KIAA1549L: variants seen among roughly 807,000 people sequenced by gnomAD.
The protein encoded by KIAA1549L is UPF0606 protein KIAA1549L.
KIAA1549L carries 88 observed loss-of-function variants against 160.7 expected under a neutral mutation model. The ratio of observed to expected loss-of-function variants is 0.55; its 90% CI spans 0.46 to 0.65. The LOEUF is 0.65. Ranked by LOEUF, KIAA1549L falls within the 30% of genes least tolerant of loss-of-function variation. The pLI, the probability that KIAA1549L is intolerant of heterozygous loss-of-function variation, is 0.00. For missense variants in KIAA1549L, 2,258 were observed against 2,437.5 expected (o/e 0.93, Z 1.55); for synonymous variants, 950 against 976.7 (o/e 0.97, Z 0.51).
intron 1 of KIAA1549L, among the ~76,000 whole-genome samples, chr11:33,503,293 T>C (rs1037733928): frequency 2.6e-5 from 4 of 152,372 alleles, no homozygotes; most frequent in African/African-American, 9.6e-5. Context: ...CGAATCATTG[T>C]ATACTATTCT....
chr11:33,614,574 A>T lies in KIAA1549L; in HGVS notation c.5280-3959A>T, dbSNP rs1404979570. ...TATATATATATATATATATATATAT[A>T]TATATATATATTTTTTTTTTTTTTT... is the stretch of plus-strand genomic sequence containing the variant. On this transcript the variant is annotated intron_variant, in intron 15 of 20. Coordinates refer to ENST00000658780, the MANE Select transcript of KIAA1549L (RefSeq NM_012194.3). Among the ~76,000 whole-genome samples, 92 of 13,780 alleles carry T rather than the reference A, an allele frequency of 6.7e-3. 6 individuals carry two copies. Among genetic ancestry groups the T allele is most frequent in the African/African-American group, 0.011 (13 of 1,172 alleles). 9.0% of individuals were successfully genotyped at this position (13,780 alleles called of 152,430 possible). A position where few individuals can be genotyped will look rare whatever the true frequency, so the allele number is the denominator to read the frequency against.
chr11:33,488,571 C>T (rs1405064130), intron 1 of KIAA1549L, among the ~76,000 whole-genome samples: 3 of 152,252 alleles, frequency 2.0e-5, no homozygotes, highest in Non-Finnish European at 4.4e-5. Flanking sequence ...AGTAAAACAA[C>T]TATAGGAGGT....
chr11:33,476,361 G>A (rs982013926), intron 1 of KIAA1549L, among the ~76,000 whole-genome samples: 3 of 152,166 alleles, frequency 2.0e-5, no homozygotes, highest in Non-Finnish European at 4.4e-5. Context: ...TTGAACTAGA[G>A]AAGCCTCAAG....
intron 14 of KIAA1549L, among the ~76,000 whole-genome samples, chr11:33,608,222 G>T (rs944303304): frequency 6.6e-6 from 1 of 152,080 alleles, no homozygotes; most frequent in Admixed American, 6.6e-5. Context: ...TATAAAATAG[G>T]GCTGCTGTGA....
intron 3 of KIAA1549L, 131 bp from the exon 4 acceptor site, chr11:33,547,632 CT>C (rs1854309471): frequency 4.8e-6 from 3 of 618,988 alleles, no homozygotes; most frequent in Non-Finnish European, 8.7e-6. Context: ...AGCGCACCCC[CT>C]CAATGATGGC....
intron 14 of KIAA1549L, among the ~76,000 whole-genome samples, chr11:33,607,894 G>C (rs1158369710): frequency 6.6e-6 from 1 of 152,306 alleles, no homozygotes; most frequent in Middle Eastern, 3.4e-3. Flanking sequence ...AAAATAACTG[G>C]TTGTGGACGT....
rs1288960950 is a variant in KIAA1549L at position 33,376,231 on chromosome 11, G to C, written c.-421G>C. ...CGAGGAGCCAGGACAGCGGGGCGCC[G>C]AGGCTGCAGCGGCGGCGGGAGGGAG... On this transcript the variant is annotated 5_prime_UTR_variant, in exon 1 of 21. Transcript: ENST00000658780. This position sits in a 1 kb window ranked among gnomAD's most constrained non-coding sequence, Gnocchi z 5.8. Among the ~76,000 whole-genome samples the C allele has an allele frequency of 6.7e-6, 1 of 149,336 alleles. No individual in the cohort carries two copies. The highest frequency in any genetic ancestry group is 1.5e-5 in the Non-Finnish European group (1 of 66,922).
chr11:33,651,860 T>TCCCCCC (rs1851900662), intron 17 of KIAA1549L, among the ~76,000 whole-genome samples: 1 of 4,016 alleles, frequency 2.5e-4, no homozygotes. Context: ...CCCATTCCCC[T>TCCCCCC]CCCCTCCCCT....
chr11:33,455,679 A>G (rs780994999), intron 1 of KIAA1549L, among the ~76,000 whole-genome samples: 1 of 152,238 alleles, frequency 6.6e-6, no homozygotes. Flanking sequence ...CAGAAAAATT[A>G]TCTGAAAACA....
At chr11:33,429,442 T>G (rs1374474692) in intron 1 of KIAA1549L, among the ~76,000 whole-genome samples, 1 of 152,238 alleles carries the variant, frequency 6.6e-6, no homozygotes, top group African/African-American at 2.4e-5. Context: ...TCCTCCTTAC[T>G]ATTCCAGGGT....
intron 17 of KIAA1549L, among the ~76,000 whole-genome samples, chr11:33,653,370 T>C (rs767624123): frequency 3.3e-5 from 5 of 152,250 alleles, no homozygotes; most frequent in African/African-American, 9.6e-5. Flanking sequence ...AGATGTTTTC[T>C]TTCATTCTTG....
chr11:33,406,556 CTTATG>C (rs1481853092), intron 1 of KIAA1549L, among the ~76,000 whole-genome samples: 3 of 152,212 alleles, frequency 2.0e-5, no homozygotes, highest in African/African-American at 7.2e-5. Flanking sequence ...ACCCCCTTTG[CTTATG>C]TTGTGTTGTA....
chr11:33,639,353 G>A (rs182807162), intron 16 of KIAA1549L, among the ~76,000 whole-genome samples: 1 of 152,266 alleles, frequency 6.6e-6, no homozygotes, highest in Admixed American at 6.5e-5. Context: ...TGAAGCGCAA[G>A]ACCAGGGGCC....
In KIAA1549L at chr11:33,656,123, T is replaced by C. The variant is rs776101462; in HGVS notation, c.5858+14T>C. On this transcript the variant is annotated intron_variant, in intron 18 of 20. Transcript: ENST00000658780. ...TTCTCTCAGGCGGTAACACGTTCCT[T>C]TCTTTGTTTTGTTTGGAATATTTGG... 1.3e-6 allele frequency: 2 copies of C among 1,597,194 alleles called. No individual in the cohort carries two copies. The highest frequency in any genetic ancestry group is 1.7e-6 in the Non-Finnish European group (2 of 1,165,686).
chr11:33,419,491 T>TC (rs1200558954), intron 1 of KIAA1549L, among the ~76,000 whole-genome samples: 9 of 152,206 alleles, frequency 5.9e-5, no homozygotes, highest in Non-Finnish European at 1.3e-4. Flanking sequence ...CTTTGGGATT[T>TC]CCCCCCGTCC....
At chr11:33,650,863 A>T (rs1851864271) in intron 17 of KIAA1549L, among the ~76,000 whole-genome samples, 1 of 152,142 alleles carries the variant, frequency 6.6e-6, no homozygotes, top group Admixed American at 6.5e-5. Flanking sequence ...CCGTGGAAGG[A>T]GGGGGAATTT....
intron 1 of KIAA1549L, among the ~76,000 whole-genome samples, chr11:33,393,663 C>T (rs1479665320): frequency 2.0e-5 from 3 of 152,168 alleles, no homozygotes; most frequent in Non-Finnish European, 2.9e-5. Flanking sequence ...CATGTTGCCT[C>T]CCGGGCATAG....
intron 5 of KIAA1549L, among the ~76,000 whole-genome samples, chr11:33,551,625 C>A (rs917395152): frequency 2.0e-5 from 3 of 151,810 alleles, no homozygotes; most frequent in Admixed American, 6.6e-5. Context: ...CCAGATACCA[C>A]TGAATGAGAA....
intron 1 of KIAA1549L, among the ~76,000 whole-genome samples, chr11:33,496,378 C>T (rs1044652263): frequency 7.2e-5 from 11 of 152,132 alleles, no homozygotes; most frequent in South Asian, 6.2e-4. Flanking sequence ...TTTCTGGGTG[C>T]GAAGTCACTG....
Sources: allele counts gnomAD v4.1 joint callset (sites outside exome capture counted in the v4.1 genomes callset), GRCh38; gene constraint gnomAD v4.1.1; non-coding constraint Gnocchi (gnomAD v3.1); transcripts MANE v1.5; gene names NCBI Gene and HGNC (gene_info 2026-07-23, HGNC 2026-07-21).